Variants in MKLN1 observed in about 807,000 individuals in gnomAD.
The protein encoded by MKLN1 is muskelin.
A neutral mutation model predicts 99.0 loss-of-function variants in MKLN1; 18 were observed. The ratio of observed to expected loss-of-function variants is 0.18; its 90% CI spans 0.13 to 0.27. The LOEUF (loss-of-function observed/expected upper bound fraction) is 0.27, where lower values mean the gene tolerates loss of function less well. Among genes scored for constraint, MKLN1 ranks in the 10% least tolerant of loss-of-function variants. The pLI, the probability that MKLN1 is intolerant of heterozygous loss-of-function variation, is 1.00. For synonymous variants in MKLN1, 288 were observed against 293.2 expected, an observed-to-expected ratio of 0.98 and a Z score of 0.18; for missense variants, 621 against 875.9, an observed-to-expected ratio of 0.71 and a Z score of 3.67.
intron 1 of MKLN1, among the ~76,000 whole-genome samples, chr7:131,330,764 A>G (rs1175324952): frequency 6.6e-6 from 1 of 152,246 alleles, no homozygotes; most frequent in East Asian, 1.9e-4. Context: ...CTAAGGACTT[A>G]GAATTCTTTT....
chr7:131,262,786 TCCGCCCACCTCGG>T (rs1005164260), intron 3 of MKLN1, among the ~76,000 whole-genome samples: 11 of 152,042 alleles, frequency 7.2e-5, no homozygotes, highest in Admixed American at 6.5e-4. Flanking sequence ...GACCTCGTGA[TCCGCCCACCTCGG>T]CCTCCCAAAG....
intron 1 of MKLN1, among the ~76,000 whole-genome samples, chr7:131,136,254 T>C (rs1210740415): frequency 1.3e-5 from 2 of 151,964 alleles, no homozygotes; most frequent in African/African-American, 2.4e-5. Context: ...TTTTGGGGAG[T>C]GAGCAGCACC....
At chr7:131,255,065 A>T (rs984704726) in intron 3 of MKLN1, among the ~76,000 whole-genome samples, 8 of 151,588 alleles carry the variant, frequency 5.3e-5, no homozygotes, top group Non-Finnish European at 8.8e-5. Flanking sequence ...GTTTAAAAAA[A>T]TTTTTTTTTG....
intron 3 of MKLN1, among the ~76,000 whole-genome samples, chr7:131,296,320 A>G (rs1798290905): frequency 6.6e-6 from 1 of 152,258 alleles, no homozygotes; most frequent in Non-Finnish European, 1.5e-5. Context: ...ATGTGCTATT[A>G]TGGAAATATT....
intron 2 of MKLN1, among the ~76,000 whole-genome samples, chr7:131,177,742 G>A (rs909104433): frequency 1.3e-5 from 2 of 152,160 alleles, no homozygotes; most frequent in African/African-American, 4.8e-5. Flanking sequence ...GTGCATAATA[G>A]CTGATAACTT....
chr7:131,328,224 GC>G (rs1798950577), intron 1 of MKLN1: 2 of 551,884 alleles, frequency 3.6e-6, no homozygotes, highest in Non-Finnish European at 6.4e-6. Flanking sequence ...GAGGTGTGTG[GC>G]GGATCCGGGG....
At chr7:131,239,730 C>T (rs1477045366) in intron 3 of MKLN1, among the ~76,000 whole-genome samples, 1 of 152,166 alleles carries the variant, frequency 6.6e-6, no homozygotes, top group Admixed American at 6.6e-5. Context: ...TGGCTCATCC[C>T]TGTAATTCCA....
chr7:131,132,993 T>C (rs920243356), intron 1 of MKLN1, among the ~76,000 whole-genome samples: 36 of 139,892 alleles, frequency 2.6e-4, no homozygotes, highest in Admixed American at 1.1e-3. Flanking sequence ...AACCAGAGCA[T>C]GACTGTGCCT....
chr7:131,206,598 C>T (rs905010096), intron 3 of MKLN1, among the ~76,000 whole-genome samples: 25 of 149,588 alleles, frequency 1.7e-4, no homozygotes, highest in African/African-American at 5.4e-4. Context: ...CTCTGTTGCC[C>T]GGCCTGGAGT....
At chr7:131,149,036 TG>T (rs943288054) in intron 2 of MKLN1, among the ~76,000 whole-genome samples, 4 of 152,192 alleles carry the variant, frequency 2.6e-5, no homozygotes, top group Non-Finnish European at 5.9e-5. Context: ...CTCGGATTTC[TG>T]GGGCAGGCGG....
intron 3 of MKLN1, among the ~76,000 whole-genome samples, chr7:131,318,270 T>G (rs923383129): frequency 2.9e-4 from 44 of 152,264 alleles, no homozygotes; most frequent in Admixed American, 1.4e-3. Context: ...CAGACCACAG[T>G]GCAATTAAAT....
chr7:131,179,750 A>G (rs1796352647), intron 2 of MKLN1, among the ~76,000 whole-genome samples: 1 of 151,294 alleles, frequency 6.6e-6, no homozygotes, highest in East Asian at 1.9e-4. Context: ...AATTTTTTGT[A>G]TTTTTAGTAG....
At chr7:131,176,355 A>T (rs555172502) in intron 2 of MKLN1, among the ~76,000 whole-genome samples, 43 of 152,252 alleles carry the variant, frequency 2.8e-4, no homozygotes, top group Admixed American at 7.8e-4. Flanking sequence ...GTGGGTTTTT[A>T]AAAAGATTTA....
intron 8 of MKLN1, among the ~76,000 whole-genome samples, chr7:131,418,440 T>C (rs1795090688): frequency 6.7e-6 from 1 of 150,098 alleles, no homozygotes; most frequent in Non-Finnish European, 1.5e-5. Context: ...CTGGGCCACA[T>C]TGGAAGAAGA....
At chr7:131,424,965 G>C (rs183852658) in intron 8 of MKLN1, among the ~76,000 whole-genome samples, 1 of 152,304 alleles carries the variant, frequency 6.6e-6, no homozygotes, top group East Asian at 1.9e-4. Flanking sequence ...GGACACACCT[G>C]TCTTTTAACC....
At chr7:131,332,491 A>G (rs933820272) in intron 1 of MKLN1, among the ~76,000 whole-genome samples, 1 of 149,366 alleles carries the variant, frequency 6.7e-6, no homozygotes, top group African/African-American at 2.4e-5. Flanking sequence ...CTTTTAATAT[A>G]TATTTTGATG....
chr7:131,437,918 A>G lies in MKLN1; in HGVS notation c.1094A>G (p.Asp365Gly). The G allele has an allele frequency of 3.1e-6, 5 of 1,613,966 alleles. No individual in the cohort carries two copies. Among genetic ancestry groups the G allele is most frequent in the Non-Finnish European group, 4.2e-6 (5 of 1,179,880 alleles). The change falls in exon 10 of 18, where the codon GAC (aspartate) becomes GGC (glycine). Residue 365 changes from aspartate (D) to glycine (G), a missense_variant. By Grantham distance (94) the Asp-to-Gly change is moderately conservative (BLOSUM62 -1). Around this residue, in one of 8 missense-constraint regions of MKLN1, gnomAD observed 361 missense variants for 540.8 expected, o/e 0.67. Transcript: ENST00000352689. ...CTGAAAAGTGACTTCTATCGTTATG[A>G]CATTGATACAAACACATGGATGTTA... is the stretch of plus-strand genomic sequence containing the variant. ...KSLKSDFYRY[D>G]IDTNTWMLLS... is the part of the protein sequence containing the mutation.
intron 1 of MKLN1, among the ~76,000 whole-genome samples, chr7:131,116,120 A>G (rs779776339): frequency 3.3e-5 from 5 of 152,050 alleles, no homozygotes; most frequent in Non-Finnish European, 7.4e-5. Context: ...CCTGACTAAC[A>G]TGGTGAAACC....
chr7:131,209,049 C>G (rs1489337412), intron 3 of MKLN1, among the ~76,000 whole-genome samples: 1 of 152,120 alleles, frequency 6.6e-6, no homozygotes, highest in African/African-American at 2.4e-5. Context: ...ATGAAAAGAT[C>G]AGAATGAAGA....
Sources: allele counts gnomAD v4.1 joint callset (sites outside exome capture counted in the v4.1 genomes callset), GRCh38; gene constraint gnomAD v4.1.1; regional missense constraint gnomAD v4.1.1; transcripts MANE v1.5; gene names NCBI Gene and HGNC (gene_info 2026-07-23, HGNC 2026-07-21).